Variants in HEATR5B observed in about 807,000 individuals in gnomAD.
HEATR5B encodes HEAT repeat containing 5B.
A neutral mutation model predicts 224.1 loss-of-function variants in HEATR5B; 156 were observed. The observed-to-expected ratio is 0.70, with a 90% confidence interval of 0.61 to 0.80. HEATR5B has a LOEUF of 0.80. HEATR5B is among the 30% of genes least tolerant of loss of function. HEATR5B has a pLI of 0.00. For missense variants in HEATR5B, 2,323 were observed against 2,535.5 expected (o/e 0.92, Z 1.80); for synonymous variants, 1,027 against 893.0 (o/e 1.15, Z -2.68).
intron 16 of HEATR5B, 108 bp from the exon 17 acceptor site, chr2:37,053,715 T>A (rs114920219): frequency 8.7e-6 from 5 of 574,408 alleles, no homozygotes; most frequent in African/African-American, 1.9e-5. Context: ...TAATTCCCCA[T>A]GCTATCTCTT....
Position 37,054,761 on chromosome 2 carries a change from G to A in HEATR5B, c.2400-1154C>T, listed in dbSNP as rs1670797566. On this transcript the variant is annotated intron_variant, in intron 16 of 35. Transcript: ENST00000233099. ...GCCTCCCGAAGTGCTGGGATAACAGGTGTGAGCCACAACGCCCGGCCCATT... is the reference window on the plus strand; with the variant it reads ...GCCTCCCGAAGTGCTGGGATAACAGATGTGAGCCACAACGCCCGGCCCATT... Among the ~76,000 whole-genome samples the A allele has an allele frequency of 2.0e-5, 3 of 152,158 alleles. No individual in the cohort carries two copies. In the South Asian group the frequency reaches 6.2e-4, roughly 32 times the overall value.
chr2:37,067,877 T>C (rs1392994438), intron 8 of HEATR5B, among the ~76,000 whole-genome samples: 3 of 152,150 alleles, frequency 2.0e-5, no homozygotes, highest in Non-Finnish European at 4.4e-5. Context: ...TCATAAAACA[T>C]TTCATACATA....
At chr2:36,988,481 C>T (rs557945022) in intron 35 of HEATR5B, among the ~76,000 whole-genome samples, 165 bp downstream of exon 35, 2 of 152,206 alleles carry the variant, frequency 1.3e-5, no homozygotes, top group East Asian at 3.9e-4. Context: ...AGGATGGTCT[C>T]GATCTCCTGA....
chr2:37,040,902 C>A, intron 19 of HEATR5B: 3 of 470,892 alleles, frequency 6.4e-6, no homozygotes, highest in East Asian at 3.3e-5. Context: ...GAATAATACA[C>A]AATAAAAAGA....
At position 37,068,791 on chromosome 2, in the gene HEATR5B, C is replaced by T; in HGVS notation, c.1067G>A (p.Cys356Tyr). The T allele has an allele frequency of 6.2e-7, 1 of 1,614,154 alleles. No individual in the cohort carries two copies. Among genetic ancestry groups the T allele is most frequent in the Non-Finnish European group, 8.5e-7 (1 of 1,180,036 alleles). Residue 356 changes from cysteine (C) to tyrosine (Y), a missense_variant, in exon 8 of 36, where the codon TGT becomes TAT. This residue lies in a region of HEATR5B where 502 missense variants were observed against 517.8 expected (regional missense o/e 0.97). Transcript: ENST00000233099. Reference protein sequence around the residue: ...THVEAVYSRRCVSFILRATVG... With the variant: ...THVEAVYSRRYVSFILRATVG... ...AGTAGCTCTTAGGATAAAGGAAACACATCGTCTGGAGTACACAGCCTCCAC... is the reference window on the plus strand; with the variant it reads ...AGTAGCTCTTAGGATAAAGGAAACATATCGTCTGGAGTACACAGCCTCCAC...
At chr2:37,062,364 A>C (rs1479782927) in intron 10 of HEATR5B, among the ~76,000 whole-genome samples, 2 of 152,162 alleles carry the variant, frequency 1.3e-5, no homozygotes, top group East Asian at 1.9e-4. Context: ...GGGGAGGCGG[A>C]GGTTGCAGTG....
intron 28 of HEATR5B, chr2:37,008,316 C>T: frequency 2.3e-6 from 1 of 432,572 alleles, no homozygotes; most frequent in South Asian, 2.4e-5. Context: ...CAATATACAT[C>T]TATGGTTATG....
At chr2:37,080,127 C>T (rs1369399457) in intron 2 of HEATR5B, among the ~76,000 whole-genome samples, 1 of 152,136 alleles carries the variant, frequency 6.6e-6, no homozygotes, top group Non-Finnish European at 1.5e-5. Flanking sequence ...CTTAAAGACA[C>T]CAAGAAGGCC....
intron 24 of HEATR5B, among the ~76,000 whole-genome samples, chr2:37,022,345 ATTG>A (rs1668515776): frequency 6.6e-6 from 1 of 151,992 alleles, no homozygotes; most frequent in Admixed American, 6.6e-5. Context: ...CGCCCAGCTA[ATTG>A]TTGTATTTTT....
chr2:37,011,483 A>G lies in HEATR5B; in HGVS notation c.4284+2358T>C, dbSNP rs111324898. 8.9e-3 allele frequency among the ~76,000 whole-genome samples: 1,358 copies of G among 152,324 alleles called. 23 individuals carry two copies. Among genetic ancestry groups the G allele is most frequent in the African/African-American group, 0.029 (1,197 of 41,566 alleles). On this transcript the variant is annotated intron_variant, in intron 27 of 35. Coordinates refer to ENST00000233099, the MANE Select transcript of HEATR5B (RefSeq NM_019024.3). ...ATAATTTTATTTTAATAATTATGCT[A>G]TAAAAAGTTGGAAAAATAAGAGTTA...
intron 33 of HEATR5B, among the ~76,000 whole-genome samples, chr2:36,999,704 T>C (rs1033482570): frequency 3.3e-5 from 5 of 150,724 alleles, no homozygotes; most frequent in Non-Finnish European, 7.4e-5. Context: ...TGGAGAGAGA[T>C]ATACATGTAT....
At chr2:37,029,449 A>T (rs1056715694) in intron 22 of HEATR5B, among the ~76,000 whole-genome samples, 1 of 151,696 alleles carries the variant, frequency 6.6e-6, no homozygotes. Flanking sequence ...GGATCACCTG[A>T]GATCAGGAGT....
chr2:36,981,654 G>C lies in HEATR5B; in HGVS notation c.6052C>G (p.Pro2018Ala). 6.2e-7 allele frequency: 1 copy of C among 1,614,126 alleles called. No homozygotes were observed. The highest frequency in any genetic ancestry group is 8.5e-7 in the Non-Finnish European group (1 of 1,180,018). The change falls in exon 36 of 36, where the codon CCA becomes GCA. Residue 2018 changes from proline (P) to alanine (A), a missense_variant. Physicochemically the swap from Pro to Ala is conservative, Grantham distance 27. Coordinates refer to ENST00000233099, the MANE Select transcript of HEATR5B (RefSeq NM_019024.3). Reference sequence around the variant, plus strand: ...CCCATTACTGTCTTGAAAGCATGTGGATACAGAGGTCCAATATGCATTAAA... The same window carrying C: ...CCCATTACTGTCTTGAAAGCATGTGCATACAGAGGTCCAATATGCATTAAA... ...QNLMHIGPLY[P>A]HAFKTVMGAA...
At chr2:37,081,533 C>T (rs1672568633) in intron 2 of HEATR5B, among the ~76,000 whole-genome samples, 1 of 152,108 alleles carries the variant, frequency 6.6e-6, no homozygotes, top group Admixed American at 6.6e-5. Flanking sequence ...CAACACAGGA[C>T]CCCCTAAGAG....
Position 37,032,784 on chromosome 2 carries a change from T to A in HEATR5B, c.3217-11A>T. On this transcript the variant is annotated splice_polypyrimidine_tract_variant and intron_variant, in intron 21 of 35. Transcript: ENST00000233099. ...ACTACATAAGTGAACCTGTAAATCA[T>A]AACAATGTTAGGCGATTTCTCTTTA... is the stretch of plus-strand genomic sequence containing the variant. The A allele has an allele frequency of 6.2e-7, 1 of 1,608,762 alleles. No individual in the cohort carries two copies. The highest frequency in any genetic ancestry group is 1.1e-5 in the South Asian group (1 of 89,668).
chr2:37,054,958 C>A (rs1165832782), intron 16 of HEATR5B: 2 of 180,118 alleles, frequency 1.1e-5, no homozygotes, highest in African/African-American at 4.8e-5. Flanking sequence ...TTATACTAGT[C>A]TACAGGTCTC....
intron 17 of HEATR5B, among the ~76,000 whole-genome samples, chr2:37,051,342 G>A (rs1227573129): frequency 2.9e-5 from 3 of 102,816 alleles, no homozygotes; most frequent in East Asian, 3.2e-4. Context: ...GCAACAGGGC[G>A]AAACTCCATC....
chr2:37,076,723 G>T (rs571594071), intron 4 of HEATR5B, among the ~76,000 whole-genome samples, 188 bp downstream of exon 4: 3 of 150,318 alleles, frequency 2.0e-5, no homozygotes, highest in Non-Finnish European at 4.4e-5. Context: ...CCTATTCCTT[G>T]TCAAAGAAAA....
At chr2:37,004,803 T>C (rs1330810919) in intron 30 of HEATR5B, among the ~76,000 whole-genome samples, 1 of 152,154 alleles carries the variant, frequency 6.6e-6, no homozygotes. Flanking sequence ...TTAAATGCTA[T>C]TTATCCTCAA....
Sources: allele counts gnomAD v4.1 joint callset (sites outside exome capture counted in the v4.1 genomes callset), GRCh38; gene constraint gnomAD v4.1.1; regional missense constraint gnomAD v4.1.1; transcripts MANE v1.5; gene names NCBI Gene and HGNC (gene_info 2026-07-23, HGNC 2026-07-21).